Variants in SUCLG2 observed in about 807,000 individuals in gnomAD.
SUCLG2 encodes succinate--CoA ligase [GDP-forming] subunit beta, mitochondrial.
SUCLG2 carries 42 observed loss-of-function variants against 47.9 expected under a neutral mutation model. The ratio of observed to expected loss-of-function variants is 0.88; its 90% CI spans 0.69 to 1.14. SUCLG2 has a LOEUF of 1.14. SUCLG2 is among the 50% of genes most tolerant of loss of function. The pLI is 0.00. For missense variants in SUCLG2, 571 were observed against 525.9 expected (o/e 1.09, Z -0.84); for synonymous variants, 195 against 197.3 (o/e 0.99, Z 0.10).
At chr3:67,499,732 ATTTAT>A (rs1222037236) in intron 7 of SUCLG2, among the ~76,000 whole-genome samples, 1 of 151,622 alleles carries the variant, frequency 6.6e-6, no homozygotes, top group African/African-American at 2.4e-5. Context: ...TTATTTATTT[ATTTAT>A]TTATTTATTT....
chr3:67,561,423 CA>C (rs1211057332), intron 2 of SUCLG2, among the ~76,000 whole-genome samples: 7 of 152,090 alleles, frequency 4.6e-5, no homozygotes, highest in Non-Finnish European at 7.4e-5. Context: ...TCCTGCTCAG[CA>C]AGTCTTAAAG....
intron 9 of SUCLG2, among the ~76,000 whole-genome samples, chr3:67,449,932 T>A (rs1704015369): frequency 6.6e-6 from 1 of 152,132 alleles, no homozygotes; most frequent in Non-Finnish European, 1.5e-5. Context: ...ATTTTAAAGC[T>A]TAAATACATT....
intron 9 of SUCLG2, among the ~76,000 whole-genome samples, chr3:67,449,297 A>G (rs1703997984): frequency 6.6e-6 from 1 of 152,230 alleles, no homozygotes; most frequent in South Asian, 2.1e-4. Flanking sequence ...TATGAGCTTT[A>G]TCTGGGATCT....
rs182082028 is a variant in SUCLG2 at position 67,515,249 on chromosome 3, A to G, written c.660+2998T>C. 9.1e-4 allele frequency among the ~76,000 whole-genome samples: 138 copies of G among 152,354 alleles called. 1 individual carries two copies. The highest frequency in any genetic ancestry group is 1.5e-3 in the Admixed American group (23 of 15,310). On this transcript the variant is annotated intron_variant, in intron 6 of 10. Transcript: ENST00000307227. Reference sequence around the variant, plus strand: ...GTCAAAATTTATCCTAAGTATAAATATCTAGAATATCCAGAAAAAAAGAGT... The same window carrying G: ...GTCAAAATTTATCCTAAGTATAAATGTCTAGAATATCCAGAAAAAAAGAGT...
At chr3:67,369,179 C>A (rs1701918292) in intron 10 of SUCLG2, among the ~76,000 whole-genome samples, 1 of 151,996 alleles carries the variant, frequency 6.6e-6, no homozygotes, top group South Asian at 2.1e-4. Context: ...TATTTGATCA[C>A]CTTTTTGTTT....
intron 1 of SUCLG2, among the ~76,000 whole-genome samples, chr3:67,611,552 C>T (rs1421307011): frequency 1.3e-5 from 2 of 152,182 alleles, no homozygotes; most frequent in Non-Finnish European, 2.9e-5. Flanking sequence ...AAACATTAAA[C>T]ATTAGCTGTG....
chr3:67,397,771 A>G (rs1240453468), intron 10 of SUCLG2, among the ~76,000 whole-genome samples: 2 of 152,220 alleles, frequency 1.3e-5, no homozygotes, highest in African/African-American at 4.8e-5. Flanking sequence ...TTGAAACTAT[A>G]CTACAAGGCT....
At chr3:67,638,008 T>C (rs1701037476) in intron 1 of SUCLG2, among the ~76,000 whole-genome samples, 1 of 152,228 alleles carries the variant, frequency 6.6e-6, no homozygotes, top group Non-Finnish European at 1.5e-5. Context: ...TACTTTATAA[T>C]TACATGTTAA....
chr3:67,433,404 T>C (rs886167508), intron 9 of SUCLG2, among the ~76,000 whole-genome samples: 3 of 152,158 alleles, frequency 2.0e-5, no homozygotes, highest in Non-Finnish European at 4.4e-5. Flanking sequence ...ACCAATTTTA[T>C]TCAGGGAAAC....
chr3:67,456,809 A>G (rs774852839), intron 9 of SUCLG2, among the ~76,000 whole-genome samples: 1 of 152,212 alleles, frequency 6.6e-6, no homozygotes, highest in Non-Finnish European at 1.5e-5. Context: ...GAATATTTAA[A>G]AGCAAATGCA....
At chr3:67,610,575 T>C (rs1415121937) in intron 1 of SUCLG2, among the ~76,000 whole-genome samples, 1 of 149,592 alleles carries the variant, frequency 6.7e-6, no homozygotes, top group East Asian at 1.9e-4. Flanking sequence ...ATGAGTCATA[T>C]GCAAAGGAAA....
At chr3:67,607,429 CT>C (rs897150970) in intron 2 of SUCLG2, among the ~76,000 whole-genome samples, 5 of 151,942 alleles carry the variant, frequency 3.3e-5, no homozygotes, top group African/African-American at 4.8e-5. Flanking sequence ...TAATTTCACC[CT>C]TTTTTTCATT....
intron 9 of SUCLG2, among the ~76,000 whole-genome samples, chr3:67,450,433 G>C (rs1477562042): frequency 2.6e-5 from 4 of 152,164 alleles, no homozygotes; most frequent in African/African-American, 9.7e-5. Context: ...TTGGCACCAA[G>C]AGACTTTCTT....
chr3:67,457,745 A>G (rs1470944482), intron 9 of SUCLG2, among the ~76,000 whole-genome samples: 1 of 121,540 alleles, frequency 8.2e-6, no homozygotes, highest in Non-Finnish European at 1.6e-5. Flanking sequence ...TACCACTACT[A>G]TTACTACTAT....
intron 2 of SUCLG2, among the ~76,000 whole-genome samples, chr3:67,565,327 T>C (rs1374653538): frequency 6.6e-6 from 1 of 152,202 alleles, no homozygotes; most frequent in Non-Finnish European, 1.5e-5. Flanking sequence ...AAATACAATA[T>C]AGTCTTCTTT....
At chr3:67,586,482 C>G (rs1708022572) in intron 2 of SUCLG2, among the ~76,000 whole-genome samples, 1 of 152,132 alleles carries the variant, frequency 6.6e-6, no homozygotes, top group Admixed American at 6.5e-5. Flanking sequence ...AGTTTTGTAG[C>G]AGAGTCTAAT....
At chr3:67,582,868 C>G (rs887133710) in intron 2 of SUCLG2, among the ~76,000 whole-genome samples, 1 of 151,090 alleles carries the variant, frequency 6.6e-6, no homozygotes, top group Non-Finnish European at 1.5e-5. Flanking sequence ...TCCCCTCCCC[C>G]ACCAAAAAAA....
chr3:67,611,650 C>T (rs1700528772), intron 1 of SUCLG2, among the ~76,000 whole-genome samples: 1 of 151,906 alleles, frequency 6.6e-6, no homozygotes, highest in Non-Finnish European at 1.5e-5. Flanking sequence ...AAGCCATTAA[C>T]CAAAGAAAGA....
Position 67,395,056 on chromosome 3 carries a change from C to T in SUCLG2, c.1183+5675G>A, listed in dbSNP as rs371095779. Among the ~76,000 whole-genome samples, 848 of 152,006 alleles carry T rather than the reference C, an allele frequency of 5.6e-3. 6 individuals carry two copies. The highest frequency in any genetic ancestry group is 0.019 in the African/African-American group (804 of 41,440). ...ATGGAAAGGAACAACCGGTACCAGC[C>T]GCGGCAAAATCATGCCAAAATGTAA... On this transcript the variant is annotated intron_variant, in intron 10 of 10. Transcript: ENST00000307227.
Sources: gnomAD v4.1 joint callset for allele counts (sites outside exome capture counted in the v4.1 genomes callset) on GRCh38, gnomAD v4.1.1 for gene constraint, MANE v1.5 for transcripts, NCBI Gene and HGNC (gene_info 2026-07-23, HGNC 2026-07-21) for gene names.